The following FGD4 variants were observed in gnomAD, a reference collection of about 807,000 sequenced individuals.
The protein encoded by FGD4 is FYVE, RhoGEF and PH domain-containing protein 4.
Under a neutral mutation model 102.0 loss-of-function variants are expected in FGD4, and 42 were observed. The observed-to-expected ratio is 0.41, with a 90% CI of 0.32 to 0.53. The LOEUF (loss-of-function observed/expected upper bound fraction) is 0.53. Among genes scored for constraint, FGD4 ranks in the 20% least tolerant of loss-of-function variants. The probability of loss-of-function intolerance (pLI) is 0.21; values close to 1 mark genes in which losing one functional copy is unlikely to be tolerated. For synonymous variants in FGD4, 380 were observed against 375.7 expected (o/e 1.01, Z -0.13); for missense variants, 902 against 1,078.2 (o/e 0.84, Z 2.29).
intron 1 of FGD4, among the ~76,000 whole-genome samples, chr12:32,496,121 G>T (rs1382256793): frequency 6.6e-6 from 1 of 152,106 alleles, no homozygotes; most frequent in Non-Finnish European, 1.5e-5. Flanking sequence ...AATTTGCTTT[G>T]TCTCTTCAAA....
chr12:32,432,217 G>A (rs889911648), intron 1 of FGD4, among the ~76,000 whole-genome samples: 1 of 151,710 alleles, frequency 6.6e-6, no homozygotes, highest in Non-Finnish European at 1.5e-5. Flanking sequence ...CCACCACCAT[G>A]CCCAGCTAAT....
In FGD4 at chr12:32,514,487, T is replaced by C. The variant is rs187249984; in HGVS notation, c.167-49650T>C. Among the ~76,000 whole-genome samples, 195 of 152,176 alleles carry C rather than the reference T, an allele frequency of 1.3e-3. 1 individual carries two copies. The highest frequency in any genetic ancestry group is 4.4e-3 in the African/African-American group (184 of 41,536). ...CTCTTGTCTTGTCTCTCTCCCCAAATAGACTGTGTTCCTGAGGCCAGGAAG... is the reference window on the plus strand; with the variant it reads ...CTCTTGTCTTGTCTCTCTCCCCAAACAGACTGTGTTCCTGAGGCCAGGAAG... On this transcript the variant is annotated intron_variant, in intron 1 of 16. Transcript: ENST00000534526.
intron 1 of FGD4, among the ~76,000 whole-genome samples, chr12:32,429,165 C>T (rs1309326643): frequency 6.6e-6 from 1 of 152,206 alleles, no homozygotes; most frequent in Non-Finnish European, 1.5e-5. Context: ...ATGAATTTAT[C>T]TACCTTTGGT....
chr12:32,400,023 C>T (rs1940581275), intron 1 of FGD4, 64 bp downstream of exon 1: 3 of 1,403,412 alleles, frequency 2.1e-6, no homozygotes, highest in Non-Finnish European at 2.8e-6. Context: ...AGGGGCGCTC[C>T]CAGCGCCCTG....
chr12:32,586,211 T>C (rs1159064614), intron 4 of FGD4, among the ~76,000 whole-genome samples: 1 of 151,984 alleles, frequency 6.6e-6, no homozygotes, highest in South Asian at 2.1e-4. Context: ...TTAGAGACTT[T>C]TAAAAGTTTG....
chr12:32,611,203 T>G lies in FGD4; in HGVS notation c.1669T>G (p.Ser557Ala). The change falls in exon 10 of 17, where the codon TCA becomes GCA. Residue 557 changes from serine (S) to alanine (A), a missense_variant. Physicochemically the swap from Ser to Ala is moderately conservative, Grantham distance 99. Coordinates refer to ENST00000534526, the MANE Select transcript of FGD4 (RefSeq NM_001370298.3). ...LGEEEDIVNP[S>A]NELIKEGQIL... ...AGAAGAAGAAGACATTGTAAACCCT[T>G]CAAATGAACTAATAAAAGAAGGACA... 6.2e-7 allele frequency: 1 copy of G among 1,614,148 alleles called. No homozygotes were observed. Among genetic ancestry groups the G allele is most frequent in the East Asian group, 2.2e-5 (1 of 44,882 alleles).
chr12:32,473,731 C>T (rs1425286382), intron 1 of FGD4, among the ~76,000 whole-genome samples: 1 of 152,110 alleles, frequency 6.6e-6, no homozygotes, highest in African/African-American at 2.4e-5. Context: ...ACTTTCCACC[C>T]CAACATATAA....
At chr12:32,404,086 CT>C (rs35761761) in intron 1 of FGD4, among the ~76,000 whole-genome samples, 9,503 of 144,972 alleles carry the variant, frequency 0.066, 406 homozygotes, top group Middle Eastern at 0.14. Context: ...GTTTTGGGTT[CT>C]TTTTTTTTTT....
chr12:32,545,190 G>A (rs753574470), intron 1 of FGD4, among the ~76,000 whole-genome samples: 7 of 152,202 alleles, frequency 4.6e-5, no homozygotes, highest in Non-Finnish European at 8.8e-5. Flanking sequence ...TAGGCATGCA[G>A]GGTTTAGAAC....
chr12:32,421,260 C>G (rs1024739609), intron 1 of FGD4, among the ~76,000 whole-genome samples: 4 of 152,212 alleles, frequency 2.6e-5, no homozygotes, highest in African/African-American at 7.2e-5. Flanking sequence ...TGGTACTCAG[C>G]TTTCCTTGTG....
chr12:32,516,591 A>G (rs1271075688), intron 1 of FGD4, among the ~76,000 whole-genome samples: 3 of 152,230 alleles, frequency 2.0e-5, no homozygotes, highest in Non-Finnish European at 1.5e-5. Context: ...ATATGCTTAC[A>G]TTGATGCATA....
At chr12:32,450,913 C>A (rs771799996) in intron 1 of FGD4, among the ~76,000 whole-genome samples, 1 of 152,144 alleles carries the variant, frequency 6.6e-6, no homozygotes, top group African/African-American at 2.4e-5. Flanking sequence ...AACCAGTCTC[C>A]CATTGCTGCT....
chr12:32,534,245 TC>T, intron 1 of FGD4: 1 of 1,236,574 alleles, frequency 8.1e-7, no homozygotes, highest in Non-Finnish European at 1.0e-6. Flanking sequence ...ACTGCAGCAG[TC>T]CGTCCTCTGG....
At chr12:32,552,351 C>T (rs993562363) in intron 1 of FGD4, among the ~76,000 whole-genome samples, 2 of 151,944 alleles carry the variant, frequency 1.3e-5, no homozygotes, top group Non-Finnish European at 2.9e-5. Context: ...CCTCCACCTC[C>T]TAGGTTCAAG....
At chr12:32,610,905 T>C (rs1038415075) in intron 9 of FGD4, 71 bp downstream of exon 9, 38 of 1,504,688 alleles carry the variant, frequency 2.5e-5, no homozygotes, top group Non-Finnish European at 3.2e-5. Flanking sequence ...CAATACTATG[T>C]AGATTTGGAC....
intron 10 of FGD4, among the ~76,000 whole-genome samples, chr12:32,616,824 C>T (rs1363120574): frequency 6.6e-6 from 1 of 152,158 alleles, no homozygotes. Flanking sequence ...TAAGCCATTT[C>T]ATGTTGCTAT....
At chr12:32,476,344 A>C (rs1943584028) in intron 1 of FGD4, among the ~76,000 whole-genome samples, 1 of 152,138 alleles carries the variant, frequency 6.6e-6, no homozygotes. Flanking sequence ...GTATTTTCTC[A>C]CGCATGGTCT....
chr12:32,557,745 C>T (rs949280707), intron 1 of FGD4, among the ~76,000 whole-genome samples: 1 of 151,878 alleles, frequency 6.6e-6, no homozygotes, highest in African/African-American at 2.4e-5. Context: ...GGATTTGTTC[C>T]CCATAGCAAG....
At position 32,430,877 on chromosome 12, in the gene FGD4, C is replaced by T. The variant is rs146642288; in HGVS notation, c.166+30918C>T. Among the ~76,000 whole-genome samples, 499 of 152,302 alleles carry T rather than the reference C, an allele frequency of 3.3e-3. 8 individuals are homozygous for T. Among genetic ancestry groups the T allele is most frequent in the African/African-American group, 0.012 (485 of 41,560 alleles). ...GTCCTTTTATAGAAAATGGTAAACTCAGGCCATTGCCTATGAAAACATTGA... is the reference window on the plus strand; with the variant it reads ...GTCCTTTTATAGAAAATGGTAAACTTAGGCCATTGCCTATGAAAACATTGA... On this transcript the variant is annotated intron_variant, in intron 1 of 16. Coordinates refer to ENST00000534526, the MANE Select transcript of FGD4 (RefSeq NM_001370298.3).
Sources: gnomAD v4.1 joint callset for allele counts (sites outside exome capture counted in the v4.1 genomes callset) on GRCh38, gnomAD v4.1.1 for gene constraint, MANE v1.5 for transcripts, NCBI Gene and HGNC (gene_info 2026-07-23, HGNC 2026-07-21) for gene names.